The following CA10 variants were observed in gnomAD, a reference collection of about 807,000 sequenced individuals.
CA10 encodes the protein carbonic anhydrase-related protein 10.
A neutral mutation model predicts 44.2 loss-of-function variants in CA10; 14 were observed. The ratio of observed to expected loss-of-function variants is 0.32; its 90% CI spans 0.21 to 0.50. The LOEUF is 0.50. Ranked by LOEUF, CA10 falls within the 20% of genes least tolerant of loss-of-function variation. CA10 has a pLI of 0.99. For synonymous variants in CA10, 159 were observed against 141.6 expected, an observed-to-expected ratio of 1.12 and a Z score of -0.87; for missense variants, 350 against 409.7, an observed-to-expected ratio of 0.85 and a Z score of 1.26.
chr17:52,013,848 G>T (rs1985884755), intron 2 of CA10, among the ~76,000 whole-genome samples: 1 of 151,924 alleles, frequency 6.6e-6, no homozygotes, highest in Non-Finnish European at 1.5e-5. Flanking sequence ...ACGTAGTATA[G>T]TTGACCCTCC....
At chr17:51,732,415 G>A (rs955530148) in intron 4 of CA10, among the ~76,000 whole-genome samples, 1 of 152,204 alleles carries the variant, frequency 6.6e-6, no homozygotes, top group African/African-American at 2.4e-5. Flanking sequence ...TTATGTTCAT[G>A]CTTCTCTTTC....
At chr17:51,783,329 T>C (rs1906132664) in intron 3 of CA10, among the ~76,000 whole-genome samples, 1 of 152,214 alleles carries the variant, frequency 6.6e-6, no homozygotes, top group South Asian at 2.1e-4. Context: ...TCACACACCC[T>C]GGGTACTCTG....
At chr17:51,862,611 G>A (rs774896131) in intron 3 of CA10, among the ~76,000 whole-genome samples, 4 of 152,032 alleles carry the variant, frequency 2.6e-5, no homozygotes, top group African/African-American at 7.2e-5. Flanking sequence ...TGCTTGGATC[G>A]CCATAACAAA....
intron 3 of CA10, among the ~76,000 whole-genome samples, chr17:51,924,433 T>C (rs1982346335): frequency 6.6e-6 from 1 of 152,174 alleles, no homozygotes; most frequent in South Asian, 2.1e-4. Context: ...TATAAGCAAT[T>C]AAGAGTTTTA....
At chr17:51,721,396 A>C (rs572456098) in intron 4 of CA10, among the ~76,000 whole-genome samples, 4 of 152,198 alleles carry the variant, frequency 2.6e-5, no homozygotes, top group African/African-American at 9.6e-5. Context: ...CTCAGGCTAG[A>C]GTGCAGTGGC....
chr17:51,700,034 TCCTTTCA>T (rs1177949721), intron 4 of CA10, among the ~76,000 whole-genome samples: 5 of 152,152 alleles, frequency 3.3e-5, no homozygotes, highest in Admixed American at 6.5e-5. Flanking sequence ...TTTCCTTCCT[TCCTTTCA>T]AGATGTTAGA....
chr17:51,691,089 A>G (rs1023330699), intron 4 of CA10, among the ~76,000 whole-genome samples: 2 of 152,228 alleles, frequency 1.3e-5, no homozygotes, highest in Admixed American at 6.5e-5. Flanking sequence ...TTGGGCATAT[A>G]TACAGTACAG....
intron 6 of CA10, among the ~76,000 whole-genome samples, chr17:51,640,938 C>A (rs1196485711): frequency 6.6e-6 from 1 of 152,018 alleles, no homozygotes; most frequent in Admixed American, 6.6e-5. Flanking sequence ...GTAAGGATGG[C>A]AAAGATCTAG....
intron 2 of CA10, among the ~76,000 whole-genome samples, chr17:51,953,941 C>T (rs1983575238): frequency 6.6e-6 from 1 of 152,100 alleles, no homozygotes; most frequent in South Asian, 2.1e-4. Flanking sequence ...GAAAGTTAAA[C>T]CAACAAATAA....
chr17:52,114,868 A>G (rs73353501), intron 1 of CA10, among the ~76,000 whole-genome samples: 178 of 152,250 alleles, frequency 1.2e-3, no homozygotes, highest in African/African-American at 4.1e-3. Context: ...GTGTTGACCA[A>G]TGTCAGTGAT....
intron 1 of CA10, among the ~76,000 whole-genome samples, chr17:52,106,987 C>T (rs555871389): frequency 1.1e-4 from 16 of 152,196 alleles, no homozygotes; most frequent in African/African-American, 3.6e-4. Flanking sequence ...ATATAAAACC[C>T]CAAATTGTCT....
intron 6 of CA10, among the ~76,000 whole-genome samples, chr17:51,641,095 T>C (rs1316348993): frequency 6.6e-6 from 1 of 151,920 alleles, no homozygotes; most frequent in Non-Finnish European, 1.5e-5. Context: ...GTTTCATGAA[T>C]AGTTTTGCAG....
chr17:52,026,492 G>C (rs750511451), intron 2 of CA10, among the ~76,000 whole-genome samples: 1 of 152,152 alleles, frequency 6.6e-6, no homozygotes, highest in Non-Finnish European at 1.5e-5. Flanking sequence ...GTTCCCAACT[G>C]TATTGGTCTG....
chr17:51,665,255 T>G (rs1050631156), intron 4 of CA10, among the ~76,000 whole-genome samples: 2 of 152,182 alleles, frequency 1.3e-5, no homozygotes, highest in African/African-American at 2.4e-5. Context: ...CTGGTTTATT[T>G]CAAAGCCATT....
intron 4 of CA10, among the ~76,000 whole-genome samples, chr17:51,738,009 T>C (rs920934496): frequency 1.3e-5 from 2 of 152,170 alleles, no homozygotes; most frequent in African/African-American, 4.8e-5. Flanking sequence ...CAATTCTGAA[T>C]ATGAGCATGG....
At chr17:52,061,047 G>A (rs1046111757) in intron 2 of CA10, among the ~76,000 whole-genome samples, 1 of 152,094 alleles carries the variant, frequency 6.6e-6, no homozygotes, top group Non-Finnish European at 1.5e-5. Flanking sequence ...TGGAGATAAT[G>A]TAAGTATGAA....
intron 3 of CA10, among the ~76,000 whole-genome samples, chr17:51,787,267 C>A (rs1567839451): frequency 6.6e-6 from 1 of 152,120 alleles, no homozygotes; most frequent in Non-Finnish European, 1.5e-5. Context: ...AATCAGGTTC[C>A]AGGCTTTTAC....
intron 4 of CA10, among the ~76,000 whole-genome samples, chr17:51,666,132 C>G (rs1244368165): frequency 2.6e-5 from 4 of 152,186 alleles, no homozygotes; most frequent in Non-Finnish European, 5.9e-5. Flanking sequence ...CCAACAAACC[C>G]GTATGTGTTT....
intron 1 of CA10, among the ~76,000 whole-genome samples, chr17:52,131,961 G>A (rs1041940670): frequency 1.3e-5 from 2 of 151,906 alleles, no homozygotes; most frequent in East Asian, 3.9e-4. Context: ...ATTGAAAAAT[G>A]AGAACACATG....
Sources: gnomAD v4.1 joint callset for allele counts (sites outside exome capture counted in the v4.1 genomes callset) on GRCh38, gnomAD v4.1.1 for gene constraint, MANE v1.5 for transcripts, NCBI Gene and HGNC (gene_info 2026-07-23, HGNC 2026-07-21) for gene names.